Variants in CCSER2 observed in about 807,000 individuals in gnomAD.
The protein encoded by CCSER2 is coiled-coil serine rich protein 2, also known as serine-rich coiled-coil domain-containing protein 2.
CCSER2 carries 46 observed loss-of-function variants against 92.3 expected under a neutral mutation model. The ratio of observed to expected loss-of-function variants is 0.50; its 90% CI spans 0.39 to 0.64. The LOEUF is 0.64. Ranked by LOEUF, CCSER2 falls within the 30% of genes least tolerant of loss-of-function variation. The pLI is 0.00. For missense variants in CCSER2, 1,244 were observed against 1,238.9 expected (o/e 1.00, Z -0.06); for synonymous variants, 433 against 431.4 (o/e 1.00, Z -0.04).
intron 9 of CCSER2, among the ~76,000 whole-genome samples, chr10:84,493,508 T>C (rs1187940009): frequency 6.6e-6 from 1 of 152,246 alleles, no homozygotes; most frequent in Non-Finnish European, 1.5e-5. Context: ...AAAAGAATTG[T>C]TACTCCATAG....
At chr10:84,431,027 A>G (rs893756075) in intron 5 of CCSER2, among the ~76,000 whole-genome samples, 1 of 152,172 alleles carries the variant, frequency 6.6e-6, no homozygotes, top group Non-Finnish European at 1.5e-5. Context: ...GAGTTCTCAT[A>G]TGCTTTCTCA....
chr10:84,475,940 C>T (rs1324313653), intron 8 of CCSER2, among the ~76,000 whole-genome samples: 2 of 151,988 alleles, frequency 1.3e-5, no homozygotes, highest in African/African-American at 4.8e-5. Flanking sequence ...TCAGGTGATC[C>T]TCTCACTCAA....
chr10:84,381,892 C>T (rs1840926502), intron 3 of CCSER2, among the ~76,000 whole-genome samples: 1 of 146,180 alleles, frequency 6.8e-6, no homozygotes, highest in South Asian at 2.2e-4. Flanking sequence ...CACACTCCAG[C>T]CTGGGTGACA....
At chr10:84,414,349 A>G (rs1222669349) in intron 3 of CCSER2, among the ~76,000 whole-genome samples, 1 of 152,156 alleles carries the variant, frequency 6.6e-6, no homozygotes, top group East Asian at 1.9e-4. Context: ...CTTGGTGATG[A>G]TGTATTCCAT....
At chr10:84,427,874 T>G (rs1225101879) in intron 5 of CCSER2, among the ~76,000 whole-genome samples, 4 of 152,220 alleles carry the variant, frequency 2.6e-5, no homozygotes, top group African/African-American at 9.6e-5. Flanking sequence ...CCAAAGATTC[T>G]TATTTTCCAG....
intron 1 of CCSER2, among the ~76,000 whole-genome samples, chr10:84,368,150 CTT>C (rs764352863): frequency 8.5e-5 from 13 of 152,078 alleles, no homozygotes; most frequent in Admixed American, 2.0e-4. Flanking sequence ...TTTTCCTCAA[CTT>C]TTGTAGGGCA....
rs1169050715 is a variant in CCSER2, at chr10:84,517,142, G to A, written c.*2875G>A. The A allele has an allele frequency of 6.6e-6, 1 of 152,178 alleles. No individual in the cohort carries two copies. Among genetic ancestry groups the A allele is most frequent in the Non-Finnish European group, 1.5e-5 (1 of 68,018 alleles). The allele number at this position is 152,178 out of a possible 1,614,324, so 9.4% of individuals were successfully genotyped here. ...AGTGGTATCAATGAAGATAGTTACA[G>A]TATATGAATTCTAAGTCCTGAGGAA... On this transcript the variant is annotated 3_prime_UTR_variant, in exon 10 of 10. Coordinates refer to ENST00000372088, the MANE Select transcript of CCSER2 (RefSeq NM_001284240.2).
intron 1 of CCSER2, among the ~76,000 whole-genome samples, chr10:84,334,309 TG>T (rs1467671391): frequency 6.6e-6 from 1 of 152,128 alleles, no homozygotes; most frequent in Non-Finnish European, 1.5e-5. Context: ...TTCTGACTTC[TG>T]CTTGCTACAG....
At chr10:84,346,778 T>A (rs542318780) in intron 1 of CCSER2, among the ~76,000 whole-genome samples, 651 of 145,748 alleles carry the variant, frequency 4.5e-3, no homozygotes, top group Middle Eastern at 7.2e-3. Context: ...ATATATATAT[T>A]TATTTATTTA....
chr10:84,443,023 A>C (rs773714494), intron 6 of CCSER2, among the ~76,000 whole-genome samples: 2 of 152,238 alleles, frequency 1.3e-5, no homozygotes, highest in African/African-American at 2.4e-5. Flanking sequence ...CTTAATTATA[A>C]GACCTAAAAC....
In CCSER2 at chr10:84,348,514, A is replaced by G. The variant is rs554264579; in HGVS notation, c.-40+19706A>G. ...GTGGGGAGAGGAAGAGGGAGAGGGC[A>G]AGGGCGAGGGCGAGGGCGAGGGAGA... is the stretch of plus-strand genomic sequence containing the variant. On this transcript the variant is annotated intron_variant, in intron 1 of 9. Transcript: ENST00000372088. Among the ~76,000 whole-genome samples the G allele has an allele frequency of 2.8e-3, 430 of 151,736 alleles. 1 individual carries two copies. The highest frequency in any genetic ancestry group is 4.7e-3 in the Non-Finnish European group (318 of 67,940).
chr10:84,353,300 TC>T (rs1416022421), intron 1 of CCSER2, among the ~76,000 whole-genome samples: 1 of 152,138 alleles, frequency 6.6e-6, no homozygotes, highest in Non-Finnish European at 1.5e-5. Context: ...CCATGGGTGT[TC>T]CTGTCTCTTG....
At chr10:84,434,508 G>C (rs548109454) in intron 5 of CCSER2, among the ~76,000 whole-genome samples, 2 of 152,182 alleles carry the variant, frequency 1.3e-5, no homozygotes, top group South Asian at 4.1e-4. Flanking sequence ...TTTATTGTCA[G>C]ATGGTTTAGC....
chr10:84,465,220 G>T (rs1846322665), intron 7 of CCSER2, among the ~76,000 whole-genome samples: 1 of 131,504 alleles, frequency 7.6e-6, no homozygotes, highest in African/African-American at 2.9e-5. Flanking sequence ...TAAAAGCAAA[G>T]TTGACCTCTT....
intron 3 of CCSER2, among the ~76,000 whole-genome samples, chr10:84,381,402 C>T (rs979455543): frequency 2.6e-5 from 4 of 152,132 alleles, no homozygotes; most frequent in Non-Finnish European, 5.9e-5. Context: ...TTAGATAACC[C>T]GCTTGAAAGG....
chr10:84,338,305 AC>A (rs1311555392), intron 1 of CCSER2, among the ~76,000 whole-genome samples: 8 of 29,096 alleles, frequency 2.7e-4, no homozygotes, highest in East Asian at 1.0e-3. Flanking sequence ...AAAAAAAAAA[AC>A]AAAAAAAAAC....
intron 8 of CCSER2, among the ~76,000 whole-genome samples, chr10:84,474,189 A>G (rs1467042679): frequency 6.6e-6 from 1 of 152,194 alleles, no homozygotes; most frequent in Non-Finnish European, 1.5e-5. Context: ...GCTAGTGTAG[A>G]ATTTCCTTTA....
At chr10:84,359,844 C>T (rs1287890310) in intron 1 of CCSER2, among the ~76,000 whole-genome samples, 1 of 151,722 alleles carries the variant, frequency 6.6e-6, no homozygotes, top group Non-Finnish European at 1.5e-5. Context: ...GACAGAGTCT[C>T]ACTCTGTTGT....
chr10:84,454,474 G>T lies in CCSER2; in HGVS notation c.2065-9459G>T, dbSNP rs777306050. Among the ~76,000 whole-genome samples, 57 of 152,080 alleles carry T rather than the reference G, an allele frequency of 3.7e-4. 1 individual carries two copies. Among genetic ancestry groups the T allele is most frequent in the Non-Finnish European group, 6.8e-4 (46 of 68,010 alleles). On this transcript the variant is annotated intron_variant, in intron 6 of 9. Coordinates refer to ENST00000372088, the MANE Select transcript of CCSER2 (RefSeq NM_001284240.2). ...GATGCAATATACACAGTAAAATTCA[G>T]CCTTTTGGTGTGCAGTTTTTTTTAA...
Sources: allele counts gnomAD v4.1 joint callset (sites outside exome capture counted in the v4.1 genomes callset), GRCh38; gene constraint gnomAD v4.1.1; transcripts MANE v1.5; gene names NCBI Gene and HGNC (gene_info 2026-07-23, HGNC 2026-07-21).